Variants in APOB observed in about 807,000 individuals in gnomAD.
The protein encoded by APOB is apolipoprotein B-100.
A neutral mutation model predicts 314.1 loss-of-function variants in APOB; 153 were observed. The observed-to-expected ratio is 0.49, with a 90% CI of 0.43 to 0.56. APOB has a LOEUF of 0.56. APOB is among the 20% of genes least tolerant of loss of function. APOB has a pLI of 0.00. For missense variants in APOB, 5,430 were observed against 5,350.7 expected, an observed-to-expected ratio of 1.01 and a Z score of -0.46; for synonymous variants, 2,087 against 2,036.4, an observed-to-expected ratio of 1.02 and a Z score of -0.67.
At position 21,007,318 on chromosome 2, in the gene APOB, G is replaced by T. The variant is rs746911939; in HGVS notation, c.9550C>A (p.His3184Asn). ...KAQYKKNKHRHSITNPLAVLC... is the reference protein window; with the variant it reads ...KAQYKKNKHRNSITNPLAVLC... ...ACAGCCAAAGGATTTGTGATGGAAT[G>T]CCTGTGTTTGTTTTTCTTATACTGA... Residue 3184 changes from histidine (H) to asparagine (N), a missense_variant, in exon 26 of 29, where the codon CAT becomes AAT. This residue lies in a region of APOB where 3,281 missense variants were observed against 3,171.0 expected (regional missense o/e 1.03). Coordinates refer to ENST00000233242, the MANE Select transcript of APOB (RefSeq NM_000384.3). The T allele has an allele frequency of 6.2e-7, 1 of 1,613,944 alleles. No individual in the cohort carries two copies. The highest frequency in any genetic ancestry group is 8.5e-7 in the Non-Finnish European group (1 of 1,179,942).
chr2:21,027,863 T>G lies in APOB; in HGVS notation c.2032A>C (p.Thr678Pro), dbSNP rs1173757192. The G allele has an allele frequency of 6.2e-7, 1 of 1,613,922 alleles. No individual in the cohort carries two copies. The highest frequency in any genetic ancestry group is 1.1e-5 in the South Asian group (1 of 91,066). Residue 678 changes from threonine to proline, a missense_variant, in exon 14 of 29, where the codon ACT becomes CCT. Coordinates refer to ENST00000233242, the MANE Select transcript of APOB (RefSeq NM_000384.3). ...TCAGCTGAAGCAAATCCAAAGGCAG[T>G]GAGGGTAGTTTTCAGCATGCTTTCT... ...PKESMLKTTL[T>P]AFGFASADLI...
Position 21,009,577 on chromosome 2 carries a change from C to T in APOB, c.7291G>A (p.Asp2431Asn), listed in dbSNP as rs1372688126. ...DMLIKKLKSFDYHQFVDETND... is the reference protein window; with the variant it reads ...DMLIKKLKSFNYHQFVDETND... Reference sequence around the variant, plus strand: ...GTTTCATCTACAAACTGGTGGTAATCAAATGACTTTAATTTCTTTATCAAC... The same window carrying T: ...GTTTCATCTACAAACTGGTGGTAATTAAATGACTTTAATTTCTTTATCAAC... Residue 2431 changes from aspartate to asparagine, a missense_variant, in exon 26 of 29, where the codon GAT (aspartate) becomes AAT (asparagine). This residue lies in a region of APOB where 3,281 missense variants were observed against 3,171.0 expected (regional missense o/e 1.03). Transcript: ENST00000233242. 1.2e-6 allele frequency: 2 copies of T among 1,613,832 alleles called. No homozygotes were observed. Among genetic ancestry groups the T allele is most frequent in the Non-Finnish European group, 1.7e-6 (2 of 1,179,948 alleles).
Position 21,032,384 on chromosome 2 carries a change from G to A in APOB, c.1322C>T (p.Thr441Ile). Residue 441 changes from threonine (T) to isoleucine (I), a missense_variant, in exon 10 of 29, where the codon ACC becomes ATC. Around this residue, in one of 3 missense-constraint regions of APOB, gnomAD observed 2,085 missense variants for 2,079.7 expected, o/e 1.00. Coordinates refer to ENST00000233242, the MANE Select transcript of APOB (RefSeq NM_000384.3). Reference sequence around the variant, plus strand: ...GACCGCGTGGCTCAGCGCATACAAGGTGGCTCGGCTGCGCTGATCCCTCGC... The same window carrying A: ...GACCGCGTGGCTCAGCGCATACAAGATGGCTCGGCTGCGCTGATCCCTCGC... ...NMARDQRSRA[T>I]LYALSHAVNN... The A allele has an allele frequency of 1.2e-6, 2 of 1,613,860 alleles. No homozygotes were observed. The highest frequency in any genetic ancestry group is 1.7e-6 in the Non-Finnish European group (2 of 1,180,032).
chr2:21,008,189 C>A lies in APOB; in HGVS notation c.8679G>T (p.Leu2893Phe). Residue 2893 changes from leucine (L) to phenylalanine (F), a missense_variant, in exon 26 of 29, where the codon TTG (leucine) becomes TTT (phenylalanine). Transcript: ENST00000233242. ...LDSNTKYFHK[L>F]NIPKLDFSSQ... is the part of the protein sequence containing the mutation. ...TAGAGAAGTCCAGTTTGGGGATGTT[C>A]AATTTGTGGAAGTATTTAGTGTTGC... The A allele has an allele frequency of 6.2e-7, 1 of 1,613,962 alleles. No homozygotes were observed. The highest frequency in any genetic ancestry group is 8.5e-7 in the Non-Finnish European group (1 of 1,179,970).
At position 21,034,827 on chromosome 2, in the gene APOB, A is replaced by G. The variant is rs776491267; in HGVS notation, c.893T>C (p.Phe298Ser). 1.9e-6 allele frequency: 3 copies of G among 1,591,312 alleles called. No homozygotes were observed. The highest frequency in any genetic ancestry group is 1.7e-5 in the Admixed American group (1 of 60,016). ...ACAGAAACTCTTACCTTCACCAAAG[A>G]AGCGGCTGTTGATCTTTGGTGTGTC... ...LEDTPKINSR[F>S]FGEGTKKMGL... is the part of the protein sequence containing the mutation. The change falls in exon 8 of 29, where the codon TTC becomes TCC. Residue 298 changes from phenylalanine (F) to serine (S), a missense_variant. Transcript: ENST00000233242.
chr2:21,030,664 C>G (rs1663851100), intron 10 of APOB, among the ~76,000 whole-genome samples: 1 of 152,128 alleles, frequency 6.6e-6, no homozygotes, highest in Non-Finnish European at 1.5e-5. Flanking sequence ...GGGTGGTAAC[C>G]TGCAGAATGG....
intron 20 of APOB, 99 bp downstream of exon 20, chr2:21,018,893 A>T (rs753653134): frequency 1.9e-6 from 3 of 1,577,370 alleles, no homozygotes; most frequent in Non-Finnish European, 2.6e-6. Flanking sequence ...TACTCAGTTA[A>T]CCTATTTGTT....
rs1663344384 is a variant in APOB, at chr2:21,012,210, C to T, written c.4658G>A (p.Gly1553Asp). The T allele has an allele frequency of 1.9e-6, 3 of 1,604,002 alleles. No individual in the cohort carries two copies. Among genetic ancestry groups the T allele is most frequent in the Middle Eastern group, 1.7e-4 (1 of 5,994 alleles). The change falls in exon 26 of 29, where the codon GGC becomes GAC. Residue 1553 changes from glycine (G) to aspartate (D), a missense_variant. Gly to Asp is a moderately conservative substitution (Grantham distance 94). This residue lies in a region of APOB where 2,085 missense variants were observed against 2,079.7 expected (regional missense o/e 1.00). Transcript: ENST00000233242. The part of the protein sequence containing the change: ...SLTSTSDLQS[G>D]IIKNTASLKY... ...TAGGGAAGCAGTATTTTTAATGATG[C>T]CACTTTGCAGATCAGAGGTGGAGGT...
At position 21,014,532 on chromosome 2, in the gene APOB, T is replaced by C; in HGVS notation, c.3758A>G (p.Asp1253Gly). The change falls in exon 24 of 29, where the codon GAC (aspartate) becomes GGC (glycine). Residue 1253 changes from aspartate to glycine, a missense_variant. Physicochemically the swap from Asp to Gly is moderately conservative, Grantham distance 94. Transcript: ENST00000233242. Reference sequence around the variant, plus strand: ...GAACTCCTTCAGGCTATTGAGGTGGTCTTGCAAAGTCTGGGTATAAGGAAG... The same window carrying C: ...GAACTCCTTCAGGCTATTGAGGTGGCCTTGCAAAGTCTGGGTATAAGGAAG... ...GSLPYTQTLQ[D>G]HLNSLKEFNL... The C allele has an allele frequency of 6.2e-7, 1 of 1,614,100 alleles. No individual in the cohort carries two copies. Among genetic ancestry groups the C allele is most frequent in the Non-Finnish European group, 8.5e-7 (1 of 1,180,004 alleles).
intron 1 of APOB, 59 bp downstream of exon 1, chr2:21,043,805 C>T (rs1664196812): frequency 6.5e-7 from 1 of 1,529,796 alleles, no homozygotes; most frequent in Admixed American, 2.0e-5. Context: ...CCCCGGCCAA[C>T]CTCGTGCCGC....
At position 21,009,339 on chromosome 2, in the gene APOB, G is replaced by A. The variant is rs1329248076; in HGVS notation, c.7529C>T (p.Ala2510Val). The change falls in exon 26 of 29, where the codon GCC becomes GTC. Residue 2510 changes from alanine to valine, a missense_variant. Ala to Val is a moderately conservative substitution (Grantham distance 64). This residue lies in a region of APOB where 3,281 missense variants were observed against 3,171.0 expected (regional missense o/e 1.03). Transcript: ENST00000233242. ...ATCTTCTAGGGTCTCTCGGAATTTG[G>A]CCTTCATGTGAGCCAAAGATGCTGA... ...LSSASLAHMK[A>V]KFRETLEDTR... 4.3e-6 allele frequency: 7 copies of A among 1,614,040 alleles called. No individual in the cohort carries two copies. The highest frequency in any genetic ancestry group is 2.2e-5 in the South Asian group (2 of 91,080).
Position 21,037,169 on chromosome 2 carries a change from G to A in APOB, c.624C>T (p.Asp208=), listed in dbSNP as rs1276108053. 6.2e-7 allele frequency: 1 copy of A among 1,614,190 alleles called. No homozygotes were observed. The change falls in exon 6 of 29, where the codon GAC becomes GAT. Residue 208 remains aspartate, a synonymous_variant. Coordinates refer to ENST00000233242, the MANE Select transcript of APOB (RefSeq NM_000384.3). ...GCTTGAAGCGATCACACTGCCCCAG[G>A]TCTCTTTCAGTGGATATTTCTGTTG... ...NVATEISTER[D]LGQCDRFKPI... is the part of the protein sequence containing the mutation.
Position 21,010,186 on chromosome 2 carries a change from C to T in APOB, c.6682G>A (p.Asp2228Asn), listed in dbSNP as rs1663267210. The change falls in exon 26 of 29, where the codon GAT (aspartate) becomes AAT (asparagine). Residue 2228 changes from aspartate (D) to asparagine (N), a missense_variant. Physicochemically the swap from Asp to Asn is conservative, Grantham distance 23. Coordinates refer to ENST00000233242, the MANE Select transcript of APOB (RefSeq NM_000384.3). ...IRVNLVKTIH[D>N]LHLFIENIDF... ...ATATTTTCAATAAACAAATGTAGAT[C>T]ATGGATTGTTTTTACTAAATTTACA... 5.6e-6 allele frequency: 9 copies of T among 1,596,772 alleles called. No individual in the cohort carries two copies. The highest frequency in any genetic ancestry group is 1.7e-4 in the Middle Eastern group (1 of 5,880).
chr2:21,015,497 G>T lies in APOB; in HGVS notation c.3381C>A (p.Pro1127=). 1 of 1,613,992 alleles carries T rather than the reference G, an allele frequency of 6.2e-7. No homozygotes were observed. Among genetic ancestry groups the T allele is most frequent in the Non-Finnish European group, 8.5e-7 (1 of 1,180,022 alleles). Residue 1127 remains proline (P), a synonymous_variant, in exon 22 of 29, where the codon CCC becomes CCA. Coordinates refer to ENST00000233242, the MANE Select transcript of APOB (RefSeq NM_000384.3). The part of the protein sequence containing the change: ...ERKIKGVISI[P]RLQAEARSEI... ...CACTTCTGGCTTCTGCTTGCAAACG[G>T]GGTATGGAAATAACACCCTTGATTT...
At chr2:21,016,864 GT>G in intron 20 of APOB, among the ~76,000 whole-genome samples, 1 of 152,014 alleles carries the variant, frequency 6.6e-6, no homozygotes, top group East Asian at 1.9e-4. Context: ...GGTGCCTGTA[GT>G]CCCAGCTACT....
intron 23 of APOB, 117 bp downstream of exon 23, chr2:21,014,956 G>T: frequency 9.0e-7 from 1 of 1,116,130 alleles, no homozygotes; most frequent in East Asian, 2.4e-5. Flanking sequence ...AGAATTCCCT[G>T]GGGGGAAGGA....
In APOB at chr2:21,005,119, A is replaced by G. The variant is rs1476577082; in HGVS notation, c.11749T>C (p.Cys3917Arg). The G allele has an allele frequency of 1.2e-6, 2 of 1,614,072 alleles. No individual in the cohort carries two copies. The highest frequency in any genetic ancestry group is 1.1e-5 in the South Asian group (1 of 91,090). The change falls in exon 26 of 29, where the codon TGC (cysteine) becomes CGC (arginine). Residue 3917 changes from cysteine (C) to arginine (R), a missense_variant. Cys to Arg is a radical substitution (Grantham distance 180). This residue lies in a region of APOB where 3,281 missense variants were observed against 3,171.0 expected (regional missense o/e 1.03). Coordinates refer to ENST00000233242, the MANE Select transcript of APOB (RefSeq NM_000384.3). ...TCTAGGAACTGTACGGTTGAGCTGC[A>G]TGTGGAATCCAGGACTGTTTCAACA... The part of the protein sequence containing the change: ...DYVETVLDST[C>R]SSTVQFLEYE...
intron 1 of APOB, 102 bp from the exon 2 acceptor site, chr2:21,043,653 G>A (rs1289823236): frequency 7.2e-6 from 11 of 1,527,170 alleles, no homozygotes; most frequent in Non-Finnish European, 8.9e-7. Context: ...CTTTCAGGAG[G>A]GAGGCAGGCT....
Position 21,024,953 on chromosome 2 carries a change from G to C in APOB, c.2416C>G (p.Leu806Val). The change falls in exon 16 of 29, where the codon CTG becomes GTG. Residue 806 changes from leucine to valine, a missense_variant. Physicochemically the swap from Leu to Val is conservative, Grantham distance 32 (BLOSUM62 1). Around this residue, in one of 3 missense-constraint regions of APOB, gnomAD observed 2,085 missense variants for 2,079.7 expected, o/e 1.00. Coordinates refer to ENST00000233242, the MANE Select transcript of APOB (RefSeq NM_000384.3). The part of the protein sequence containing the change: ...GKLLLMGART[L>V]QGIPQMIGEV... ...CTTACCATCTGGGGGATCCCCTGCAGAGTGCGGGCACCCATCAGAAGCAGC... is the reference window on the plus strand; with the variant it reads ...CTTACCATCTGGGGGATCCCCTGCACAGTGCGGGCACCCATCAGAAGCAGC... The C allele has an allele frequency of 1.9e-6, 3 of 1,614,074 alleles. No individual in the cohort carries two copies. The highest frequency in any genetic ancestry group is 2.5e-6 in the Non-Finnish European group (3 of 1,180,020).
Sources: gnomAD v4.1 joint callset for allele counts (sites outside exome capture counted in the v4.1 genomes callset) on GRCh38, gnomAD v4.1.1 for gene constraint, gnomAD v4.1.1 regional missense constraint, MANE v1.5 for transcripts, NCBI Gene and HGNC (gene_info 2026-07-23, HGNC 2026-07-21) for gene names.